The following KALRN variants were observed in gnomAD, a reference collection of about 807,000 sequenced individuals.
The protein encoded by KALRN is kalirin RhoGEF kinase.
Under a neutral mutation model 353.7 loss-of-function variants are expected in KALRN, and 70 were observed. The observed-to-expected ratio is 0.20, with a 90% confidence interval of 0.16 to 0.24. The LOEUF is 0.24. Among genes scored for constraint, KALRN ranks in the 10% least tolerant of loss-of-function variants. The pLI is 1.00. For synonymous variants in KALRN, 1,391 were observed against 1,434.8 expected (o/e 0.97, Z 0.69); for missense variants, 2,791 against 3,756.7 (o/e 0.74, Z 6.72).
intron 3 of KALRN, among the ~76,000 whole-genome samples, chr3:124,241,379 A>G (rs1270121232): frequency 5.3e-5 from 8 of 152,198 alleles, no homozygotes; most frequent in Non-Finnish European, 1.0e-4. Context: ...TTTAGAGTGA[A>G]AAAGAAGCTA....
At chr3:124,072,936 G>A (rs1345217055) in intron 1 of KALRN, among the ~76,000 whole-genome samples, 1 of 152,206 alleles carries the variant, frequency 6.6e-6, no homozygotes, top group Non-Finnish European at 1.5e-5. Context: ...GACCAGCACT[G>A]TTCTTGCTAG....
chr3:124,614,281 T>C (rs1178350540), intron 34 of KALRN, among the ~76,000 whole-genome samples: 4 of 144,378 alleles, frequency 2.8e-5, no homozygotes, highest in Non-Finnish European at 4.6e-5. Flanking sequence ...TATTTATTTA[T>C]TTATTGAGAC....
chr3:124,159,684 C>T (rs1042004840), intron 1 of KALRN, among the ~76,000 whole-genome samples: 7 of 151,806 alleles, frequency 4.6e-5, no homozygotes, highest in African/African-American at 1.7e-4. Flanking sequence ...TGCGTAATAC[C>T]TGAGGGTAGG....
chr3:124,707,260 T>C (rs1363522798), intron 57 of KALRN, among the ~76,000 whole-genome samples: 3 of 152,096 alleles, frequency 2.0e-5, no homozygotes, highest in Non-Finnish European at 4.4e-5. Context: ...GGAGGATTGC[T>C]TGAGCCTGGG....
At chr3:124,231,013 T>G (rs182591922) in intron 2 of KALRN, among the ~76,000 whole-genome samples, 1 of 152,240 alleles carries the variant, frequency 6.6e-6, no homozygotes, top group African/African-American at 2.4e-5. Flanking sequence ...AAGAAAGCGC[T>G]GCAAGGAAGG....
At chr3:124,602,656 AG>A (rs1392260089) in intron 34 of KALRN, among the ~76,000 whole-genome samples, 2 of 152,206 alleles carry the variant, frequency 1.3e-5, no homozygotes, top group Non-Finnish European at 2.9e-5. Flanking sequence ...TGGGTCTTAA[AG>A]GGTCAGGAGG....
At chr3:124,440,366 G>A (rs1196055738) in intron 18 of KALRN, among the ~76,000 whole-genome samples, 5 of 152,126 alleles carry the variant, frequency 3.3e-5, no homozygotes, top group Admixed American at 3.3e-4. Flanking sequence ...TGAAACCATA[G>A]TGAGAAGCTC....
intron 23 of KALRN, among the ~76,000 whole-genome samples, chr3:124,458,267 C>T (rs1287504216): frequency 9.1e-6 from 1 of 110,352 alleles, no homozygotes; most frequent in African/African-American, 3.7e-5. Flanking sequence ...CAGAGCAAGA[C>T]TCTGTCTCAA....
intron 47 of KALRN, among the ~76,000 whole-genome samples, chr3:124,668,031 C>T (rs937952305): frequency 1.4e-5 from 2 of 142,484 alleles, no homozygotes; most frequent in Non-Finnish European, 3.0e-5. Flanking sequence ...AACACATATG[C>T]CTGTATATCG....
At chr3:124,422,737 CT>C in intron 14 of KALRN, 74 bp from the exon 15 acceptor site, 1 of 1,227,106 alleles carries the variant, frequency 8.1e-7, no homozygotes, top group Non-Finnish European at 1.2e-6. Context: ...TTCCAGTTTT[CT>C]TATGCATATT....
intron 25 of KALRN, among the ~76,000 whole-genome samples, chr3:124,466,854 T>C (rs1159758603): frequency 6.6e-6 from 1 of 152,242 alleles, no homozygotes; most frequent in Admixed American, 6.5e-5. Context: ...CACATCTGGC[T>C]GGTTTAATTC....
intron 1 of KALRN, among the ~76,000 whole-genome samples, chr3:124,046,360 G>A (rs1213456159): frequency 6.6e-6 from 1 of 152,104 alleles, no homozygotes; most frequent in Non-Finnish European, 1.5e-5. Context: ...TTTCTTCTAT[G>A]GCTATGAGGA....
intron 34 of KALRN, among the ~76,000 whole-genome samples, chr3:124,578,039 T>G (rs1368421086): frequency 6.6e-6 from 1 of 152,242 alleles, no homozygotes; most frequent in Non-Finnish European, 1.5e-5. Context: ...CAACCTTATG[T>G]CCAGTACTAT....
In KALRN at chr3:124,661,893, G is replaced by T. The variant is rs757102532; in HGVS notation, c.6310G>T (p.Asp2104Tyr). 1 of 1,614,040 alleles carries T rather than the reference G, an allele frequency of 6.2e-7. No homozygotes were observed. Among genetic ancestry groups the T allele is most frequent in the Non-Finnish European group, 8.5e-7 (1 of 1,180,006 alleles). Residue 2104 changes from aspartate to tyrosine, a missense_variant, in exon 45 of 60, where the codon GAC becomes TAC. Asp to Tyr is a radical substitution (Grantham distance 160, BLOSUM62 -3). Coordinates refer to ENST00000682506, the MANE Select transcript of KALRN (RefSeq NM_001388419.1). ...LMCLVPKRCN[D>Y]MMNLGRLQGF... is the part of the protein sequence containing the mutation. The stretch of plus-strand genomic sequence containing the variant: ...GTGCCTTGTTCCCAAACGCTGCAAT[G>T]ACATGATGAATCTAGGACGTCTGCA...
intron 1 of KALRN, among the ~76,000 whole-genome samples, chr3:124,156,884 C>G (rs2069079419): frequency 6.6e-6 from 1 of 152,130 alleles, no homozygotes; most frequent in African/African-American, 2.4e-5. Flanking sequence ...CTAGACGTTG[C>G]ATAATTTTGA....
At chr3:124,454,924 A>C (rs2059160481) in intron 21 of KALRN, among the ~76,000 whole-genome samples, 1 of 152,176 alleles carries the variant, frequency 6.6e-6, no homozygotes, top group Non-Finnish European at 1.5e-5. Context: ...CCCTGGAACA[A>C]GTTCCCCCCA....
At chr3:124,674,686 AC>A (rs1047491124) in intron 49 of KALRN, 72 bp downstream of exon 49, 1 of 1,415,458 alleles carries the variant, frequency 7.1e-7, no homozygotes, top group African/African-American at 1.4e-5. Context: ...ACAAAAGAAC[AC>A]AAAAATGCAA....
intron 33 of KALRN, chr3:124,518,843 A>G: frequency 9.3e-7 from 1 of 1,078,842 alleles, no homozygotes; most frequent in Non-Finnish European, 1.1e-6. Context: ...GAAGAGGTTA[A>G]TTAGAGGGAC....
intron 1 of KALRN, among the ~76,000 whole-genome samples, chr3:124,125,384 A>G (rs1261655082): frequency 6.6e-6 from 1 of 152,222 alleles, no homozygotes; most frequent in Admixed American, 6.5e-5. Context: ...TACACATGAA[A>G]TGACTCAAAG....
Sources: gnomAD v4.1 joint callset for allele counts (sites outside exome capture counted in the v4.1 genomes callset) on GRCh38, gnomAD v4.1.1 for gene constraint, MANE v1.5 for transcripts, NCBI Gene and HGNC (gene_info 2026-07-23, HGNC 2026-07-21) for gene names.